EHF: variants seen among roughly 807,000 people sequenced by gnomAD.
The protein encoded by EHF is ESE3 transcription factor.
EHF carries 14 observed loss-of-function variants against 45.1 expected under a neutral mutation model. The observed-to-expected ratio is 0.31, with a 90% CI of 0.21 to 0.49. EHF has a LOEUF of 0.49. EHF is among the 20% of genes least tolerant of loss of function. EHF has a pLI of 0.99. For missense variants in EHF, 282 were observed against 371.4 expected (o/e 0.76, Z 1.98); for synonymous variants, 136 against 131.8 (o/e 1.03, Z -0.22).
chr11:34,622,765 A>C (rs1337926502), intron 1 of EHF, among the ~76,000 whole-genome samples: 1 of 152,194 alleles, frequency 6.6e-6, no homozygotes, highest in African/African-American at 2.4e-5. Context: ...GTATTTAAAA[A>C]CCATGATGGA....
intron 2 of EHF, among the ~76,000 whole-genome samples, chr11:34,644,163 C>T (rs1007798127): frequency 1.8e-4 from 28 of 152,112 alleles, no homozygotes; most frequent in African/African-American, 4.8e-4. Flanking sequence ...TAATCTAGAC[C>T]GTATCAAGTT....
chr11:34,648,703 A>G (rs939803301), intron 3 of EHF, among the ~76,000 whole-genome samples: 6 of 152,230 alleles, frequency 3.9e-5, no homozygotes, highest in African/African-American at 1.4e-4. Context: ...GGTAAAGTGC[A>G]CACACCTTCC....
chr11:34,622,330 C>A, intron 1 of EHF: 1 of 996,738 alleles, frequency 1.0e-6, no homozygotes, highest in Non-Finnish European at 1.4e-6. Context: ...CTGCACTCAC[C>A]TTGGTAACAG....
intron 1 of EHF, among the ~76,000 whole-genome samples, chr11:34,640,567 C>G (rs1025831666): frequency 6.6e-6 from 1 of 152,202 alleles, no homozygotes; most frequent in Non-Finnish European, 1.5e-5. Context: ...ACCAGCCACC[C>G]GGTCTGGGGA....
intron 4 of EHF, among the ~76,000 whole-genome samples, chr11:34,649,659 T>C (rs1167117029): frequency 6.6e-6 from 1 of 152,216 alleles, no homozygotes; most frequent in East Asian, 1.9e-4. Flanking sequence ...TACAGTCCCA[T>C]AGCATCTACA....
At chr11:34,653,126 C>T (rs1855345170) in intron 6 of EHF, among the ~76,000 whole-genome samples, 1 of 151,864 alleles carries the variant, frequency 6.6e-6, no homozygotes, top group Middle Eastern at 3.2e-3. Flanking sequence ...CGACTTCCTA[C>T]AGTGTCATCT....
At chr11:34,633,405 G>T (rs576180795) in intron 1 of EHF, among the ~76,000 whole-genome samples, 1 of 152,158 alleles carries the variant, frequency 6.6e-6, no homozygotes, top group Non-Finnish European at 1.5e-5. Context: ...GGAAAGGGAA[G>T]GGAGGCAAGT....
intron 1 of EHF, among the ~76,000 whole-genome samples, chr11:34,631,952 A>ACATGGCCATGTCCATGGAGGGT (rs900344900): frequency 2.6e-5 from 4 of 152,180 alleles, no homozygotes; most frequent in Admixed American, 6.5e-5. Context: ...GTCACTTTGC[A>ACATGGCCATGTCCATGGAGGGT]GACCATGGAC....
chr11:34,629,151 C>T (rs113983850), intron 1 of EHF, among the ~76,000 whole-genome samples: 3,237 of 152,200 alleles, frequency 0.021, 110 homozygotes, highest in African/African-American at 0.073. Flanking sequence ...GGGAGGATGT[C>T]GTTTTTGAGT....
Position 34,638,331 on chromosome 11 carries a change from C to G in EHF, c.-3-4297C>G, listed in dbSNP as rs941968617. ...CACCTGGGAACAGACAAAGGTGGCT[C>G]TGATACCCAGTGTATTCTCTTAAAC... On this transcript the variant is annotated intron_variant, in intron 1 of 8. Coordinates refer to ENST00000257831, the MANE Select transcript of EHF (RefSeq NM_012153.6). Among the ~76,000 whole-genome samples, 3 of 152,200 alleles carry G rather than the reference C, an allele frequency of 2.0e-5. No individual in the cohort carries two copies. The East Asian group carries it at 5.8e-4, about 29-fold the overall frequency.
At chr11:34,637,052 A>G (rs1853497634) in intron 1 of EHF, among the ~76,000 whole-genome samples, 1 of 141,812 alleles carries the variant, frequency 7.1e-6, no homozygotes, top group South Asian at 2.2e-4. Context: ...AAAAAAAAAG[A>G]CATGCGGCAC....
chr11:34,632,377 G>A (rs948793335), intron 1 of EHF: 39 of 1,099,174 alleles, frequency 3.5e-5, no homozygotes, highest in African/African-American at 3.2e-4. Flanking sequence ...CTCTGTTTAC[G>A]GTGGGTTTTA....
chr11:34,626,010 A>G (rs1026967446), intron 1 of EHF, among the ~76,000 whole-genome samples: 16 of 152,360 alleles, frequency 1.1e-4, no homozygotes, highest in African/African-American at 3.8e-4. Context: ...CAAAATGCCT[A>G]TTATAGTAGT....
chr11:34,632,782 G>A (rs1438855234), intron 1 of EHF: 7 of 1,133,720 alleles, frequency 6.2e-6, no homozygotes, highest in Non-Finnish European at 8.9e-6. Context: ...TGGAAGCCGT[G>A]TCCTTGTGAA....
intron 2 of EHF, 30 bp from the exon 3 acceptor site, chr11:34,646,409 T>C (rs775468540): frequency 1.9e-6 from 3 of 1,612,112 alleles, no homozygotes; most frequent in South Asian, 1.1e-5. Context: ...CAGCCAGGGG[T>C]CACTCATGAG....
intron 1 of EHF, among the ~76,000 whole-genome samples, chr11:34,623,483 G>A (rs1037206687): frequency 1.3e-5 from 2 of 152,124 alleles, no homozygotes; most frequent in African/African-American, 4.8e-5. Flanking sequence ...ATTCCCACTC[G>A]CGATTCCATG....
At chr11:34,624,802 C>G (rs1852227543) in intron 1 of EHF, among the ~76,000 whole-genome samples, 1 of 152,170 alleles carries the variant, frequency 6.6e-6, no homozygotes, top group African/African-American at 2.4e-5. Context: ...GAATTTTGAA[C>G]TCCAGCTTTG....
intron 2 of EHF, among the ~76,000 whole-genome samples, chr11:34,645,595 G>A (rs892866319): frequency 2.0e-5 from 3 of 152,204 alleles, no homozygotes; most frequent in Non-Finnish European, 4.4e-5. Flanking sequence ...TACCAAGCAT[G>A]TCTCCTGGAG....
intron 1 of EHF, among the ~76,000 whole-genome samples, chr11:34,637,266 G>A (rs923499958): frequency 6.6e-6 from 1 of 152,122 alleles, no homozygotes; most frequent in Admixed American, 6.5e-5. Flanking sequence ...GGTCCAGGCT[G>A]TGCATGGTGG....
Sources: allele counts gnomAD v4.1 joint callset (sites outside exome capture counted in the v4.1 genomes callset), GRCh38; gene constraint gnomAD v4.1.1; transcripts MANE v1.5; gene names NCBI Gene and HGNC (gene_info 2026-07-23, HGNC 2026-07-21).